MYO1D: variants seen among roughly 807,000 people sequenced by gnomAD.
MYO1D encodes unconventional myosin-Id.
Under a neutral mutation model 122.0 loss-of-function variants are expected in MYO1D, and 83 were observed. The observed-to-expected ratio is 0.68, with a 90% CI of 0.57 to 0.82. The LOEUF (loss-of-function observed/expected upper bound fraction) is 0.82, where lower values mean the gene tolerates loss of function less well. Ranked by LOEUF, MYO1D falls within the 40% of genes least tolerant of loss-of-function variation. MYO1D has a pLI of 0.00. For missense variants in MYO1D, 1,157 were observed against 1,269.5 expected, an observed-to-expected ratio of 0.91 and a Z score of 1.35; for synonymous variants, 464 against 446.9, an observed-to-expected ratio of 1.04 and a Z score of -0.48.
intron 14 of MYO1D, among the ~76,000 whole-genome samples, chr17:32,731,672 T>G (rs1188126967): frequency 6.6e-6 from 1 of 152,242 alleles, no homozygotes; most frequent in East Asian, 1.9e-4. Flanking sequence ...GGTTGTGTGC[T>G]CCGTGGAGCT....
At chr17:32,617,436 T>C (rs936725860) in intron 20 of MYO1D, among the ~76,000 whole-genome samples, 2 of 152,120 alleles carry the variant, frequency 1.3e-5, no homozygotes, top group African/African-American at 4.8e-5. Flanking sequence ...GCCACCTGCT[T>C]TGCTCTTTTT....
intron 14 of MYO1D, among the ~76,000 whole-genome samples, chr17:32,725,465 G>A (rs934117215): frequency 6.6e-6 from 1 of 151,752 alleles, no homozygotes; most frequent in Non-Finnish European, 1.5e-5. Context: ...AGTTTGCAGT[G>A]AGCTGAGATC....
At chr17:32,855,204 C>A (rs1479646035) in intron 1 of MYO1D, among the ~76,000 whole-genome samples, 1 of 152,110 alleles carries the variant, frequency 6.6e-6, no homozygotes. Context: ...TAAAAACACA[C>A]TTTTATTGAA....
chr17:32,528,185 C>T (rs1482099671), intron 21 of MYO1D, among the ~76,000 whole-genome samples: 1 of 152,210 alleles, frequency 6.6e-6, no homozygotes, highest in East Asian at 1.9e-4. Flanking sequence ...TTCTACCCCA[C>T]TTAAGGCTTG....
At chr17:32,505,714 C>T (rs1189026458) in intron 21 of MYO1D, 2 of 152,198 alleles carry the variant, frequency 1.3e-5, no homozygotes, top group Non-Finnish European at 2.9e-5. Context: ...TTTCTCTTGA[C>T]CTCTTGAAAA....
At chr17:32,609,057 T>G in intron 20 of MYO1D, among the ~76,000 whole-genome samples, 1 of 152,212 alleles carries the variant, frequency 6.6e-6, no homozygotes, top group East Asian at 1.9e-4. Flanking sequence ...CTCTGTATCC[T>G]GACTGTGGCA....
intron 1 of MYO1D, among the ~76,000 whole-genome samples, chr17:32,850,271 G>C (rs968179622): frequency 1.3e-5 from 2 of 152,172 alleles, no homozygotes; most frequent in African/African-American, 4.8e-5. Context: ...TCATAAAGGA[G>C]TTATTTCTTT....
intron 1 of MYO1D, among the ~76,000 whole-genome samples, chr17:32,823,525 C>A (rs571945514): frequency 5.3e-4 from 81 of 152,268 alleles, no homozygotes; most frequent in African/African-American, 1.9e-3. Context: ...CTTTGCAAAT[C>A]AAGCCACTGG....
At chr17:32,688,431 G>A (rs1206495237) in intron 16 of MYO1D, among the ~76,000 whole-genome samples, 1 of 152,106 alleles carries the variant, frequency 6.6e-6, no homozygotes, top group Non-Finnish European at 1.5e-5. Flanking sequence ...GCTTCCCTTT[G>A]ACTCACTGTC....
chr17:32,848,388 G>A (rs1031078345), intron 1 of MYO1D, among the ~76,000 whole-genome samples: 5 of 152,182 alleles, frequency 3.3e-5, no homozygotes, highest in African/African-American at 1.2e-4. Context: ...TGAGTGATAA[G>A]GCAAATGTCA....
At chr17:32,632,073 A>G (rs796871654) in intron 20 of MYO1D, among the ~76,000 whole-genome samples, 9 of 149,526 alleles carry the variant, frequency 6.0e-5, no homozygotes, top group African/African-American at 1.4e-4. Flanking sequence ...ATATTCTCCT[A>G]AAGCTTGCAC....
chr17:32,856,976 T>C (rs186931715), intron 1 of MYO1D, among the ~76,000 whole-genome samples: 2 of 152,196 alleles, frequency 1.3e-5, no homozygotes, highest in East Asian at 3.9e-4. Flanking sequence ...TCCATATGTA[T>C]GAAGCAGGGG....
At chr17:32,721,272 T>C in intron 14 of MYO1D, 83 bp from the exon 15 acceptor site, 1 of 1,309,264 alleles carries the variant, frequency 7.6e-7, no homozygotes, top group Non-Finnish European at 1.1e-6. Context: ...TAGTGTTAAT[T>C]GTGTCAAGTT....
intron 1 of MYO1D, among the ~76,000 whole-genome samples, chr17:32,835,061 T>C (rs962417911): frequency 2.6e-5 from 4 of 151,960 alleles, no homozygotes; most frequent in South Asian, 2.1e-4. Flanking sequence ...CCGCTTCCCA[T>C]TGCCTACAAA....
intron 12 of MYO1D, among the ~76,000 whole-genome samples, chr17:32,747,702 T>TG (rs1482641196): frequency 6.6e-6 from 1 of 151,780 alleles, no homozygotes; most frequent in East Asian, 1.9e-4. Context: ...CCAGGCGTGG[T>TG]GGTATGCGCC....
At chr17:32,605,017 C>G (rs1337939979) in intron 21 of MYO1D, 70 bp downstream of exon 21, 26 of 1,398,132 alleles carry the variant, frequency 1.9e-5, no homozygotes, top group Non-Finnish European at 2.2e-5. Context: ...ACAAAACAAG[C>G]TCAGTGATAA....
chr17:32,696,885 T>C (rs1003956315), intron 16 of MYO1D, among the ~76,000 whole-genome samples: 1 of 152,226 alleles, frequency 6.6e-6, no homozygotes, highest in African/African-American at 2.4e-5. Flanking sequence ...TAGTGACAGT[T>C]AACCCACTAT....
chr17:32,861,890 C>T lies in MYO1D; in HGVS notation c.95+14888G>A, dbSNP rs187197368. 2.6e-5 allele frequency among the ~76,000 whole-genome samples: 4 copies of T among 152,192 alleles called. No individual in the cohort carries two copies. The East Asian group carries it at 7.7e-4, about 29-fold the overall frequency. On this transcript the variant is annotated intron_variant, in intron 1 of 21. Transcript: ENST00000318217. ...AAAATTAGCTGGGCATAGTGGTACA[C>T]GCCTGTAGTCCCCGCTACTCGGGAG...
At chr17:32,557,490 CT>C (rs755159923) in intron 21 of MYO1D, among the ~76,000 whole-genome samples, 1 of 151,562 alleles carries the variant, frequency 6.6e-6, no homozygotes, top group Admixed American at 6.6e-5. Context: ...GGCAAACTTC[CT>C]TTTTTTTCTT....
Sources: gnomAD v4.1 joint callset for allele counts (sites outside exome capture counted in the v4.1 genomes callset) on GRCh38, gnomAD v4.1.1 for gene constraint, MANE v1.5 for transcripts, NCBI Gene and HGNC (gene_info 2026-07-23, HGNC 2026-07-21) for gene names.